Variants in CACNA2D3 observed in about 807,000 individuals in gnomAD.
The protein encoded by CACNA2D3 is voltage-dependent calcium channel subunit alpha-2/delta-3.
Under a neutral mutation model 160.6 loss-of-function variants are expected in CACNA2D3, and 60 were observed. The ratio of observed to expected loss-of-function variants is 0.37; its 90% confidence interval spans 0.30 to 0.46. The LOEUF is 0.46. Ranked by LOEUF, CACNA2D3 falls within the 20% of genes least tolerant of loss-of-function variation. CACNA2D3 has a pLI of 1.00. For missense variants in CACNA2D3, 1,205 were observed against 1,365.0 expected, an observed-to-expected ratio of 0.88 and a Z score of 1.85; for synonymous variants, 558 against 492.9, an observed-to-expected ratio of 1.13 and a Z score of -1.75.
chr3:54,358,252 C>G (rs1003821202), intron 3 of CACNA2D3, among the ~76,000 whole-genome samples: 1 of 152,066 alleles, frequency 6.6e-6, no homozygotes, highest in Non-Finnish European at 1.5e-5. Flanking sequence ...AGGTAAAGGG[C>G]TTTAGAAACA....
At chr3:54,453,942 C>T (rs572546546) in intron 4 of CACNA2D3, among the ~76,000 whole-genome samples, 159 of 152,218 alleles carry the variant, frequency 1.0e-3, no homozygotes, top group Non-Finnish European at 2.0e-3. Context: ...ATCAGTGACA[C>T]CCAAACCACA....
intron 13 of CACNA2D3, among the ~76,000 whole-genome samples, chr3:54,804,220 G>A (rs1239047310): frequency 9.2e-5 from 14 of 151,882 alleles, no homozygotes; most frequent in African/African-American, 3.4e-4. Flanking sequence ...AACTTTAAAT[G>A]TAAATGGACT....
intron 21 of CACNA2D3, 91 bp from the exon 22 acceptor site, chr3:54,885,190 C>A: frequency 7.3e-7 from 1 of 1,374,202 alleles, no homozygotes; most frequent in Non-Finnish European, 1.0e-6. Flanking sequence ...ACCCTTAACC[C>A]ACCCCGCAGC....
At chr3:54,755,566 T>G (rs1043966470) in intron 12 of CACNA2D3, among the ~76,000 whole-genome samples, 1 of 152,174 alleles carries the variant, frequency 6.6e-6, no homozygotes, top group Non-Finnish European at 1.5e-5. Context: ...CTTGCTTCAC[T>G]AAAAGGTATC....
intron 13 of CACNA2D3, among the ~76,000 whole-genome samples, chr3:54,807,883 T>C (rs1163392204): frequency 2.0e-5 from 3 of 149,284 alleles, no homozygotes; most frequent in Non-Finnish European, 4.5e-5. Context: ...CCATAAAAAA[T>C]GATGAGTTCA....
intron 2 of CACNA2D3, among the ~76,000 whole-genome samples, chr3:54,305,593 C>G (rs182376437): frequency 6.6e-6 from 1 of 152,320 alleles, no homozygotes; most frequent in East Asian, 1.9e-4. Context: ...TGACATAGAC[C>G]AGCATTTGCC....
rs140616869 is a variant in CACNA2D3 at position 54,391,987 on chromosome 3, A to G, written c.381+5213A>G. Reference sequence around the variant, plus strand: ...ACAATAGAGGCCTTATTATAATAGCATCTCTCTCCTTTTTTACTTTATGCT... The same window carrying G: ...ACAATAGAGGCCTTATTATAATAGCGTCTCTCTCCTTTTTTACTTTATGCT... On this transcript the variant is annotated intron_variant, in intron 4 of 37. Coordinates refer to ENST00000474759, the MANE Select transcript of CACNA2D3 (RefSeq NM_018398.3). Among the ~76,000 whole-genome samples the G allele has an allele frequency of 3.8e-3, 583 of 152,192 alleles. 5 individuals carry two copies. Among genetic ancestry groups the G allele is most frequent in the African/African-American group, 0.013 (557 of 41,520 alleles).
chr3:54,373,232 T>G (rs1182606092), intron 3 of CACNA2D3, among the ~76,000 whole-genome samples: 1 of 152,168 alleles, frequency 6.6e-6, no homozygotes, highest in Non-Finnish European at 1.5e-5. Flanking sequence ...GTCAGGGCAA[T>G]AGTCTTATTT....
At chr3:54,638,355 A>C (rs1361623521) in intron 10 of CACNA2D3, 1 of 151,982 alleles carries the variant, frequency 6.6e-6, no homozygotes, top group East Asian at 1.9e-4. Context: ...AACCTTGACT[A>C]TGCGTTTAGC....
At chr3:54,207,671 G>T (rs1301143098) in intron 2 of CACNA2D3, among the ~76,000 whole-genome samples, 1 of 152,122 alleles carries the variant, frequency 6.6e-6, no homozygotes, top group African/African-American at 2.4e-5. Context: ...GTCACGGACT[G>T]GGCTCTGTGC....
At chr3:54,763,824 C>CGTATATATAT (rs1192567890) in intron 12 of CACNA2D3, among the ~76,000 whole-genome samples, 1 of 67,742 alleles carries the variant, frequency 1.5e-5, no homozygotes, top group African/African-American at 6.3e-5. Context: ...TATATATATA[C>CGTATATATAT]GTATATATAT....
chr3:54,779,022 G>C (rs1163894472), intron 13 of CACNA2D3, among the ~76,000 whole-genome samples: 1 of 152,178 alleles, frequency 6.6e-6, no homozygotes, highest in Non-Finnish European at 1.5e-5. Flanking sequence ...TGACATATCA[G>C]CTGTGTCATT....
intron 8 of CACNA2D3, among the ~76,000 whole-genome samples, chr3:54,575,794 T>C (rs941894017): frequency 3.3e-5 from 5 of 151,914 alleles, no homozygotes; most frequent in Non-Finnish European, 7.4e-5. Context: ...TAGGCAAACG[T>C]GATGGGACAA....
chr3:54,292,546 C>T (rs1230554843), intron 2 of CACNA2D3, among the ~76,000 whole-genome samples: 2 of 151,954 alleles, frequency 1.3e-5, no homozygotes, highest in African/African-American at 2.4e-5. Flanking sequence ...AAAGAAGATA[C>T]ACAAATGGCC....
intron 2 of CACNA2D3, among the ~76,000 whole-genome samples, chr3:54,197,188 T>A (rs965606233): frequency 2.0e-5 from 3 of 152,138 alleles, no homozygotes; most frequent in Non-Finnish European, 4.4e-5. Flanking sequence ...GGCCAAGTTT[T>A]AAAAAGCTGT....
At chr3:54,176,569 A>C (rs1700682755) in intron 2 of CACNA2D3, among the ~76,000 whole-genome samples, 1 of 152,176 alleles carries the variant, frequency 6.6e-6, no homozygotes, top group East Asian at 1.9e-4. Flanking sequence ...AGTTGTTCTG[A>C]TTCAGCCTTA....
intron 2 of CACNA2D3, among the ~76,000 whole-genome samples, chr3:54,254,096 G>T (rs1702249095): frequency 6.6e-6 from 1 of 152,088 alleles, no homozygotes; most frequent in African/African-American, 2.4e-5. Context: ...TGAGCGGCTG[G>T]TTTAGGTGTT....
rs60465412 is a variant in CACNA2D3, at chr3:54,336,004, C to CAAA, written c.321+15467_321+15469dup. Among the ~76,000 whole-genome samples the CAAA allele has an allele frequency of 2.8e-3, 207 of 74,130 alleles. 3 individuals are homozygous for CAAA. Among genetic ancestry groups the CAAA allele is most frequent in the African/African-American group, 3.5e-3 (69 of 19,608 alleles). The allele number at this position is 74,130 out of a possible 152,430, so 48.6% of individuals were successfully genotyped here. The stretch of plus-strand genomic sequence containing the variant: ...CTGGCGACAGAGGAAGACTCCGTCT[C>CAAA]AAAAAAAAAAAAAAAAAAAAAAAGA... On this transcript the variant is annotated intron_variant, in intron 3 of 37. Transcript: ENST00000474759.
intron 11 of CACNA2D3, among the ~76,000 whole-genome samples, chr3:54,649,494 T>C (rs936309187): frequency 4.6e-5 from 7 of 152,192 alleles, no homozygotes; most frequent in African/African-American, 1.7e-4. Context: ...AATGACTGGG[T>C]GGCTTATAAA....
Sources: allele counts gnomAD v4.1 joint callset (sites outside exome capture counted in the v4.1 genomes callset), GRCh38; gene constraint gnomAD v4.1.1; transcripts MANE v1.5; gene names NCBI Gene and HGNC (gene_info 2026-07-23, HGNC 2026-07-21).